The following PCDHA5 variants were observed in gnomAD, a reference collection of about 807,000 sequenced individuals.
The protein encoded by PCDHA5 is protocadherin alpha 5, also known as protocadherin alpha-5.
A neutral mutation model predicts 61.6 loss-of-function variants in PCDHA5; 43 were observed. That is an observed-to-expected ratio of 0.70 (90% CI 0.55 to 0.90). The LOEUF (loss-of-function observed/expected upper bound fraction) is 0.90. Ranked by LOEUF, PCDHA5 falls within the 40% of genes least tolerant of loss-of-function variation. The pLI is 0.00. For synonymous variants in PCDHA5, 627 were observed against 543.9 expected (o/e 1.15, Z -2.13); for missense variants, 1,298 against 1,222.7 (o/e 1.06, Z -0.92).
chr5:140,829,028 G>A, intron 1 of PCDHA5: 1 of 1,613,544 alleles, frequency 6.2e-7, no homozygotes, highest in East Asian at 2.2e-5. Flanking sequence ...TTTTGAACAA[G>A]AAAACTTATA....
intron 1 of PCDHA5, chr5:140,968,266 G>A: frequency 6.2e-7 from 1 of 1,614,080 alleles, no homozygotes; most frequent in Non-Finnish European, 8.5e-7. Context: ...ATGAAAAGGA[G>A]AATGCAGAGG....
At chr5:140,963,159 C>T (rs971538193) in intron 1 of PCDHA5, among the ~76,000 whole-genome samples, 14 of 151,752 alleles carry the variant, frequency 9.2e-5, no homozygotes, top group Non-Finnish European at 1.9e-4. Flanking sequence ...AAAAATGACA[C>T]ATGCCATCTT....
chr5:140,851,180 A>C lies in PCDHA5; in HGVS notation c.2352+27053A>C, dbSNP rs554158546. 42 of 1,251,052 alleles carry C rather than the reference A, an allele frequency of 3.4e-5. 2 individuals are homozygous for C. In the African/African-American group the frequency reaches 5.9e-4, roughly 18 times the overall value. 77.5% of individuals were successfully genotyped at this position (1,251,052 alleles called of 1,614,324 possible). On this transcript the variant is annotated intron_variant, in intron 1 of 3. Coordinates refer to ENST00000529859, the MANE Select transcript of PCDHA5 (RefSeq NM_018908.3). Reference sequence around the variant, plus strand: ...ATGCTATGCTGCCATAACACTTGAAAACCAATTTAGTTGTTAGTCATTCAT... The same window carrying C: ...ATGCTATGCTGCCATAACACTTGAACACCAATTTAGTTGTTAGTCATTCAT...
Position 140,857,175 on chromosome 5 carries a change from A to C in PCDHA5, c.2352+33048A>C, listed in dbSNP as rs149086377. On this transcript the variant is annotated intron_variant, in intron 1 of 3. Transcript: ENST00000529859. ...ATTGCCCTAATCAGCGTTTCTGACC[A>C]TGATTCAGGAGCCAACGGACAGGTC... The C allele has an allele frequency of 2.5e-6, 4 of 1,598,338 alleles. No homozygotes were observed. The South Asian group carries it at 3.3e-5, about 13-fold the overall frequency.
At position 140,832,275 on chromosome 5, in the gene PCDHA5, A is replaced by G. The variant is rs2150200639; in HGVS notation, c.2352+8148A>G. Among the ~76,000 whole-genome samples the G allele has an allele frequency of 2.6e-5, 4 of 152,332 alleles. No individual in the cohort carries two copies. In the East Asian group the frequency reaches 7.7e-4, roughly 29 times the overall value. On this transcript the variant is annotated intron_variant, in intron 1 of 3. Coordinates refer to ENST00000529859, the MANE Select transcript of PCDHA5 (RefSeq NM_018908.3). The stretch of plus-strand genomic sequence containing the variant: ...TTCCCAGGAAATATTAGACTACATT[A>G]AGCATGAATGGTGTATTTGCCCACA...
intron 1 of PCDHA5, among the ~76,000 whole-genome samples, chr5:140,831,626 G>T (rs1771648020): frequency 6.7e-6 from 1 of 149,106 alleles, no homozygotes; most frequent in Non-Finnish European, 1.5e-5. Flanking sequence ...GCCTCCCAAA[G>T]TACTAAGATT....
At chr5:140,893,608 T>C (rs2064082274) in intron 1 of PCDHA5, among the ~76,000 whole-genome samples, 1 of 152,256 alleles carries the variant, frequency 6.6e-6, no homozygotes, top group African/African-American at 2.4e-5. Flanking sequence ...TTCTCCTTCA[T>C]TTCTGAAGTA....
In PCDHA5 at chr5:140,822,875, T is replaced by C. The variant is rs1562267185; in HGVS notation, c.1100T>C (p.Val367Ala). Residue 367 changes from valine (V) to alanine (A), a missense_variant, in exon 1 of 4, where the codon GTC (valine) becomes GCC (alanine). Val to Ala is a moderately conservative substitution (Grantham distance 64, BLOSUM62 0). Transcript: ENST00000529859. ...AAAGAGGACGCTCCACTCAGCACGG[T>C]CATTGCTCTGATCAGCGTGTCTGAC... ...PVKEDAPLST[V>A]IALISVSDRD... 2 of 1,614,192 alleles carry C rather than the reference T, an allele frequency of 1.2e-6. No individual in the cohort carries two copies. Among genetic ancestry groups the C allele is most frequent in the Non-Finnish European group, 1.7e-6 (2 of 1,180,032 alleles).
chr5:140,886,062 C>T (rs925772414), intron 1 of PCDHA5, among the ~76,000 whole-genome samples: 10 of 152,172 alleles, frequency 6.6e-5, no homozygotes, highest in Non-Finnish European at 1.2e-4. Context: ...CTTACAAAAG[C>T]GTAGGGCCAT....
chr5:140,903,962 G>C (rs548680386), intron 1 of PCDHA5, among the ~76,000 whole-genome samples: 21 of 152,226 alleles, frequency 1.4e-4, no homozygotes. Flanking sequence ...ATTATTTGTT[G>C]ATTTTTGGTC....
intron 1 of PCDHA5, among the ~76,000 whole-genome samples, chr5:140,826,082 A>G (rs1419827352): frequency 1.3e-5 from 2 of 152,204 alleles, no homozygotes; most frequent in Non-Finnish European, 2.9e-5. Context: ...ATTCAATTTT[A>G]TAAGTACCCT....
intron 1 of PCDHA5, chr5:140,856,661 C>T: frequency 6.3e-7 from 1 of 1,598,066 alleles, no homozygotes; most frequent in South Asian, 1.1e-5. Flanking sequence ...TGAAGAAAAT[C>T]CTCAGCTAAA....
intron 3 of PCDHA5, among the ~76,000 whole-genome samples, chr5:140,983,182 C>G (rs782457174): frequency 1.3e-5 from 2 of 152,188 alleles, no homozygotes; most frequent in Non-Finnish European, 2.9e-5. Flanking sequence ...CTCACAATTT[C>G]TTAGTTTAGA....
intron 1 of PCDHA5, among the ~76,000 whole-genome samples, chr5:140,885,442 T>A (rs2060596310): frequency 6.6e-6 from 1 of 152,180 alleles, no homozygotes; most frequent in African/African-American, 2.4e-5. Flanking sequence ...TGTGCAATTA[T>A]ATATTATTTA....
At chr5:140,889,263 GTA>G (rs1262739748) in intron 1 of PCDHA5, among the ~76,000 whole-genome samples, 1 of 151,748 alleles carries the variant, frequency 6.6e-6, no homozygotes, top group Admixed American at 6.6e-5. Flanking sequence ...GTAAAAGTTT[GTA>G]TAATCTTTGA....
At chr5:140,868,963 A>G in intron 1 of PCDHA5, 2 of 1,423,054 alleles carry the variant, frequency 1.4e-6, no homozygotes, top group Non-Finnish European at 1.9e-6. Context: ...TCCCATACAA[A>G]GGAACTCCAT....
chr5:140,963,551 G>C (rs2095774327), intron 1 of PCDHA5, among the ~76,000 whole-genome samples: 1 of 152,158 alleles, frequency 6.6e-6, no homozygotes, highest in African/African-American at 2.4e-5. Flanking sequence ...GATATAAAAA[G>C]GGGCTGTTTT....
intron 1 of PCDHA5, chr5:140,927,135 G>T: frequency 6.2e-7 from 1 of 1,614,062 alleles, no homozygotes; most frequent in Non-Finnish European, 8.5e-7. Flanking sequence ...GAGAGCCGGC[G>T]GACCGCGAAC....
At chr5:140,912,674 A>G (rs184432134) in intron 1 of PCDHA5, among the ~76,000 whole-genome samples, 14 of 152,238 alleles carry the variant, frequency 9.2e-5, no homozygotes, top group Admixed American at 7.2e-4. Flanking sequence ...GGCATCCTTG[A>G]CTTATTCCAG....
Sources: gnomAD v4.1 joint callset for allele counts (sites outside exome capture counted in the v4.1 genomes callset) on GRCh38, gnomAD v4.1.1 for gene constraint, MANE v1.5 for transcripts, NCBI Gene and HGNC (gene_info 2026-07-23, HGNC 2026-07-21) for gene names.